Variants in UNC5D observed in about 807,000 individuals in gnomAD.
UNC5D encodes the protein netrin receptor UNC5D.
A neutral mutation model predicts 105.4 loss-of-function variants in UNC5D; 39 were observed. The ratio of observed to expected loss-of-function variants is 0.37; its 90% confidence interval spans 0.29 to 0.48. The LOEUF is 0.48. Among genes scored for constraint, UNC5D ranks in the 20% least tolerant of loss-of-function variants. UNC5D has a pLI of 0.98. For synonymous variants in UNC5D, 452 were observed against 450.4 expected (o/e 1.00, Z -0.04); for missense variants, 991 against 1,202.4 (o/e 0.82, Z 2.60).
rs1829404069 is a variant in UNC5D at position 35,735,229 on chromosome 8, C to T, written c.1766+4133C>T. Among the ~76,000 whole-genome samples the T allele has an allele frequency of 2.0e-5, 3 of 151,654 alleles. No individual in the cohort carries two copies. In the South Asian group the frequency reaches 6.3e-4, roughly 32 times the overall value. On this transcript the variant is annotated intron_variant, in intron 11 of 16. Coordinates refer to ENST00000404895, the MANE Select transcript of UNC5D (RefSeq NM_080872.4). ...CTACTCCTCTCCTCTCCCAGCTCTC[C>T]TTTTGCACCCCGCCCCCGACCCCAT... is the stretch of plus-strand genomic sequence containing the variant.
chr8:35,437,300 C>T lies in UNC5D; in HGVS notation c.104-111992C>T, dbSNP rs1333279762. Among the ~76,000 whole-genome samples, 3 of 151,704 alleles carry T rather than the reference C, an allele frequency of 2.0e-5. No individual in the cohort carries two copies. In the East Asian group the frequency reaches 5.8e-4, roughly 29 times the overall value. On this transcript the variant is annotated intron_variant, in intron 1 of 16. Coordinates refer to ENST00000404895, the MANE Select transcript of UNC5D (RefSeq NM_080872.4). ...TTATATTATTGACTTCTTGATTTTT[C>T]AATGTGTTACATTTCCTCTCCAGCA... is the stretch of plus-strand genomic sequence containing the variant.
chr8:35,750,648 G>A lies in UNC5D; in HGVS notation c.2002G>A (p.Val668Met). Residue 668 changes from valine (V) to methionine (M), a missense_variant, in exon 13 of 17, where the codon GTG (valine) becomes ATG (methionine). Around this residue, in one of 3 missense-constraint regions of UNC5D, gnomAD observed 944 missense variants for 1,131.6 expected, o/e 0.83. Coordinates refer to ENST00000404895, the MANE Select transcript of UNC5D (RefSeq NM_080872.4). The stretch of plus-strand genomic sequence containing the variant: ...CCTTTTGGACCCCTTTGCGTGTCAT[G>A]TGCTCCTGGACAGCTTTGGGACCTA... ...YCLLDPFACH[V>M]LLDSFGTYAL... The A allele has an allele frequency of 6.2e-7, 1 of 1,614,100 alleles. No homozygotes were observed.
At position 35,774,474 on chromosome 8, in the gene UNC5D, A is replaced by G; in HGVS notation, c.2654A>G (p.Asn885Ser). The G allele has an allele frequency of 1.2e-6, 2 of 1,613,994 alleles. No homozygotes were observed. The change falls in exon 16 of 17, where the codon AAC (asparagine) becomes AGC (serine). Residue 885 changes from asparagine (N) to serine (S), a missense_variant. Physicochemically the swap from Asn to Ser is conservative, Grantham distance 46 (BLOSUM62 1). Transcript: ENST00000404895. ...ATGTTAGCACAGAAAAACAGCATCAACAGGTAATTGGGGACAGCTTCTGGA... is the reference window on the plus strand; with the variant it reads ...ATGTTAGCACAGAAAAACAGCATCAGCAGGTAATTGGGGACAGCTTCTGGA... ...WQMLAQKNSI[N>S]RNLSYFATQS...
At chr8:35,279,383 A>G (rs940424292) in intron 1 of UNC5D, among the ~76,000 whole-genome samples, 8 of 152,242 alleles carry the variant, frequency 5.3e-5, no homozygotes, top group African/African-American at 1.7e-4. Flanking sequence ...GGGAATAGGA[A>G]CCAGCTGTTT....
At position 35,506,458 on chromosome 8, in the gene UNC5D, G is replaced by C. The variant is rs1159534771; in HGVS notation, c.104-42834G>C. ...CTTGATAAAGAATGTACTAGATAGAGCAGCTCCCTTTAAAAGGAGGAAGAA... is the reference window on the plus strand; with the variant it reads ...CTTGATAAAGAATGTACTAGATAGACCAGCTCCCTTTAAAAGGAGGAAGAA... On this transcript the variant is annotated intron_variant, in intron 1 of 16. Coordinates refer to ENST00000404895, the MANE Select transcript of UNC5D (RefSeq NM_080872.4). 2.0e-5 allele frequency among the ~76,000 whole-genome samples: 3 copies of C among 152,308 alleles called. No homozygotes were observed. In the South Asian group the frequency reaches 6.2e-4, roughly 32 times the overall value.
intron 1 of UNC5D, among the ~76,000 whole-genome samples, chr8:35,500,584 T>C (rs1315184699): frequency 6.6e-6 from 1 of 152,238 alleles, no homozygotes; most frequent in African/African-American, 2.4e-5. Flanking sequence ...ATCTTTCTTT[T>C]CTGAACTTCT....
Position 35,728,813 on chromosome 8 carries a change from G to T in UNC5D, c.1682-2199G>T, listed in dbSNP as rs189369102. Reference sequence around the variant, plus strand: ...GGAAGCTCAGACTGGTGCTTCTGTGGTCATATCAAATAAAAGGCTGTCAGG... The same window carrying T: ...GGAAGCTCAGACTGGTGCTTCTGTGTTCATATCAAATAAAAGGCTGTCAGG... On this transcript the variant is annotated intron_variant, in intron 10 of 16. Transcript: ENST00000404895. 8.1e-4 allele frequency among the ~76,000 whole-genome samples: 124 copies of T among 152,268 alleles called. 1 individual carries two copies. Among genetic ancestry groups the T allele is most frequent in the African/African-American group, 2.8e-3 (116 of 41,556 alleles).
intron 4 of UNC5D, among the ~76,000 whole-genome samples, chr8:35,642,839 T>C (rs1384848287): frequency 1.3e-5 from 2 of 152,170 alleles, no homozygotes; most frequent in Admixed American, 6.5e-5. Flanking sequence ...TAAGATGCAA[T>C]TTTGTGATAA....
chr8:35,676,972 A>G (rs1249601730), intron 4 of UNC5D, among the ~76,000 whole-genome samples: 1 of 152,152 alleles, frequency 6.6e-6, no homozygotes, highest in Admixed American at 6.5e-5. Context: ...AAAAAATATT[A>G]CATTGAAATA....
chr8:35,247,634 T>C (rs1803220092), intron 1 of UNC5D, among the ~76,000 whole-genome samples: 1 of 71,166 alleles, frequency 1.4e-5, no homozygotes, highest in African/African-American at 6.3e-5. Context: ...ATATATATAA[T>C]ATATAAATAT....
chr8:35,479,970 G>A (rs183458298), intron 1 of UNC5D, among the ~76,000 whole-genome samples: 9 of 152,198 alleles, frequency 5.9e-5, no homozygotes, highest in Non-Finnish European at 1.2e-4. Flanking sequence ...GTGATCTAGC[G>A]CTCTGTTCTC....
chr8:35,420,780 G>A (rs1466204050), intron 1 of UNC5D, among the ~76,000 whole-genome samples: 4 of 151,558 alleles, frequency 2.6e-5, no homozygotes, highest in Admixed American at 6.6e-5. Context: ...CCATTTCAGT[G>A]TGTTGGAATA....
At chr8:35,501,256 G>A (rs924684625) in intron 1 of UNC5D, among the ~76,000 whole-genome samples, 1 of 152,222 alleles carries the variant, frequency 6.6e-6, no homozygotes, top group Non-Finnish European at 1.5e-5. Flanking sequence ...AGAGAACTTT[G>A]TCACTTCCAG....
chr8:35,694,289 C>T (rs1826605421), intron 7 of UNC5D, among the ~76,000 whole-genome samples: 1 of 152,086 alleles, frequency 6.6e-6, no homozygotes, highest in Non-Finnish European at 1.5e-5. Flanking sequence ...ATTGATCTGG[C>T]ATTCAGAACA....
intron 7 of UNC5D, among the ~76,000 whole-genome samples, chr8:35,688,872 A>T (rs1826201435): frequency 6.6e-6 from 1 of 152,246 alleles, no homozygotes; most frequent in Non-Finnish European, 1.5e-5. Context: ...AATTGTTTAA[A>T]GCAACTACCT....
At chr8:35,395,275 A>G (rs551702995) in intron 1 of UNC5D, among the ~76,000 whole-genome samples, 1 of 152,296 alleles carries the variant, frequency 6.6e-6, no homozygotes, top group African/African-American at 2.4e-5. Flanking sequence ...TAACTTGACT[A>G]TTTGGACAGT....
chr8:35,513,179 C>A (rs1361102842), intron 1 of UNC5D, among the ~76,000 whole-genome samples: 3 of 151,410 alleles, frequency 2.0e-5, no homozygotes, highest in Non-Finnish European at 4.4e-5. Context: ...TAACCATGTG[C>A]ATTGCTTCCT....
At chr8:35,441,265 CA>C (rs1807376693) in intron 1 of UNC5D, among the ~76,000 whole-genome samples, 1 of 151,800 alleles carries the variant, frequency 6.6e-6, no homozygotes, top group Non-Finnish European at 1.5e-5. Context: ...AACTGCAGTC[CA>C]AAAATAGGTG....
chr8:35,391,334 A>G lies in UNC5D; in HGVS notation c.103+155447A>G, dbSNP rs1585733804. ...TCTTCAGTTAGTGCAGCAGAAGCCA[A>G]GCAAATTATTTTTTGGAGTTAGTCT... On this transcript the variant is annotated intron_variant, in intron 1 of 16. Transcript: ENST00000404895. 2.0e-5 allele frequency among the ~76,000 whole-genome samples: 3 copies of G among 152,244 alleles called. No homozygotes were observed. In the South Asian group the frequency reaches 6.2e-4, roughly 31 times the overall value.
Sources: gnomAD v4.1 joint callset for allele counts (sites outside exome capture counted in the v4.1 genomes callset) on GRCh38, gnomAD v4.1.1 for gene constraint, gnomAD v4.1.1 regional missense constraint, MANE v1.5 for transcripts, NCBI Gene and HGNC (gene_info 2026-07-23, HGNC 2026-07-21) for gene names.